The following TIMELESS variants were observed in gnomAD, a reference collection of about 807,000 sequenced individuals.
TIMELESS encodes the protein timeless circadian regulator, also known as protein timeless homolog.
Under a neutral mutation model 164.3 loss-of-function variants are expected in TIMELESS, and 124 were observed. The observed-to-expected ratio is 0.75, with a 90% CI of 0.65 to 0.88. The LOEUF (loss-of-function observed/expected upper bound fraction) is 0.88. TIMELESS is among the 40% of genes least tolerant of loss of function. The probability of loss-of-function intolerance (pLI) is 0.00; values close to 1 mark genes in which losing one functional copy is unlikely to be tolerated. For synonymous variants in TIMELESS, 564 were observed against 563.4 expected, an observed-to-expected ratio of 1.00 and a Z score of -0.02; for missense variants, 1,422 against 1,491.4, an observed-to-expected ratio of 0.95 and a Z score of 0.77.
At chr12:56,442,715 T>C (rs939262465) in intron 1 of TIMELESS, among the ~76,000 whole-genome samples, 2 of 152,122 alleles carry the variant, frequency 1.3e-5, no homozygotes, top group African/African-American at 4.8e-5. Flanking sequence ...CGACCCTCTA[T>C]AGTGATATAA....
rs749417821 is a variant in TIMELESS, at chr12:56,430,119, T to C, written c.1072A>G (p.Met358Val). The C allele has an allele frequency of 7.9e-5, 127 of 1,612,534 alleles. 1 individual carries two copies. Among genetic ancestry groups the C allele is most frequent in the Non-Finnish European group, 1.1e-4 (127 of 1,179,628 alleles). The part of the protein sequence containing the change: ...EFLENCYNRL[M>V]GSVKDHLLRE... ...CAGGTTCTCACCTTTACTGATCCCA[T>C]GAGCCGGTTGTAACAGTTCTCCAGG... The change falls in exon 10 of 29, where the codon ATG (methionine) becomes GTG (valine). Residue 358 changes from methionine to valine, a missense_variant. Physicochemically the swap from Met to Val is conservative, Grantham distance 21. Transcript: ENST00000553532.
intron 1 of TIMELESS, among the ~76,000 whole-genome samples, chr12:56,439,702 T>C (rs1210218566): frequency 1.3e-5 from 2 of 152,140 alleles, no homozygotes; most frequent in East Asian, 1.9e-4. Context: ...CTAGCCTGAA[T>C]TGTACACTTT....
chr12:56,420,523 A>T (rs1413820891), intron 26 of TIMELESS, 46 bp downstream of exon 26: 8 of 1,512,506 alleles, frequency 5.3e-6, no homozygotes, highest in Non-Finnish European at 7.3e-6. Flanking sequence ...TGTATTTGGA[A>T]ATAGGACTAA....
At chr12:56,420,030 A>AAAAAAAAT (rs1881408025) in intron 26 of TIMELESS, among the ~76,000 whole-genome samples, 1 of 68,308 alleles carries the variant, frequency 1.5e-5, no homozygotes. Context: ...AAAAAAAAAA[A>AAAAAAAAT]TATATATATA....
chr12:56,440,535 A>C (rs887911172), intron 1 of TIMELESS, among the ~76,000 whole-genome samples: 1 of 152,202 alleles, frequency 6.6e-6, no homozygotes, highest in Admixed American at 6.5e-5. Context: ...TATGAACAAA[A>C]TGGCATCTAG....
rs748894425 is a variant in TIMELESS at position 56,433,494 on chromosome 12, A to G, written c.366+44T>C. 24 of 1,613,680 alleles carry G rather than the reference A, an allele frequency of 1.5e-5. No individual in the cohort carries two copies. In the Admixed American group the frequency reaches 3.8e-4, roughly 26 times the overall value. Reference sequence around the variant, plus strand: ...AGTAGCAGTCATCCACTTCTTCACCACTGCCCCATATTCCACCCCAGGGAC... The same window carrying G: ...AGTAGCAGTCATCCACTTCTTCACCGCTGCCCCATATTCCACCCCAGGGAC... On this transcript the variant is annotated intron_variant, in intron 4 of 28. Coordinates refer to ENST00000553532, the MANE Select transcript of TIMELESS (RefSeq NM_003920.5).
chr12:56,434,960 T>G (rs1254749342), intron 1 of TIMELESS, among the ~76,000 whole-genome samples: 1 of 152,152 alleles, frequency 6.6e-6, no homozygotes, highest in Non-Finnish European at 1.5e-5. Flanking sequence ...GAGGACTACT[T>G]GCGCCTAGGT....
chr12:56,433,060 A>C lies in TIMELESS; in HGVS notation c.497T>G (p.Ile166Ser), dbSNP rs565192271. 6.2e-7 allele frequency: 1 copy of C among 1,614,058 alleles called. No individual in the cohort carries two copies. Among genetic ancestry groups the C allele is most frequent in the South Asian group, 1.1e-5 (1 of 91,080 alleles). ...ATCAAGGTCAGCTGGGACATGGAGA[A>C]TATTTCTGACCAGCAGTAGGATCCG... ...IERILLLVRN[I>S]LHVPADLDQE... is the part of the protein sequence containing the mutation. Residue 166 changes from isoleucine to serine, a missense_variant, in exon 6 of 29, where the codon ATT (isoleucine) becomes AGT (serine). Transcript: ENST00000553532.
chr12:56,442,524 C>T (rs902406670), intron 1 of TIMELESS, among the ~76,000 whole-genome samples: 2 of 152,226 alleles, frequency 1.3e-5, no homozygotes, highest in Non-Finnish European at 2.9e-5. Flanking sequence ...CAGGGTCACA[C>T]ATATCCTACT....
chr12:56,426,582 C>T (rs754128742), intron 13 of TIMELESS, among the ~76,000 whole-genome samples: 22 of 146,050 alleles, frequency 1.5e-4, no homozygotes, highest in Admixed American at 4.8e-4. Context: ...TTTTTTGAGA[C>T]GGAGTCTTGC....
At chr12:56,418,986 T>C (rs1363872080) in intron 26 of TIMELESS, among the ~76,000 whole-genome samples, 1 of 150,980 alleles carries the variant, frequency 6.6e-6, no homozygotes, top group Non-Finnish European at 1.5e-5. Flanking sequence ...AAATGTACTG[T>C]AGTATCACAG....
At chr12:56,445,657 G>C (rs545444850) in intron 1 of TIMELESS, among the ~76,000 whole-genome samples, 1 of 151,684 alleles carries the variant, frequency 6.6e-6, no homozygotes, top group African/African-American at 2.4e-5. Context: ...AGAATCGCTT[G>C]AGGCGGAGGT....
At chr12:56,448,360 C>A (rs974605213) in intron 1 of TIMELESS, among the ~76,000 whole-genome samples, 12 of 138,216 alleles carry the variant, frequency 8.7e-5, no homozygotes, top group African/African-American at 3.0e-4. Flanking sequence ...GAGCCGAGAT[C>A]GGACCACTGC....
chr12:56,424,804 G>A lies in TIMELESS; in HGVS notation c.1826C>T (p.Ala609Val), dbSNP rs1242770303. ...AMVRIQDCLL[A>V]GQAPQALTLL... is the part of the protein sequence containing the mutation. The stretch of plus-strand genomic sequence containing the variant: ...AGTCAGGGCCTGTGGGGCCTGGCCA[G>A]CCAGGAGACAGTCTTGGATCCGTAC... Residue 609 changes from alanine (A) to valine (V), a missense_variant, in exon 15 of 29, where the codon GCT becomes GTT. Transcript: ENST00000553532. The A allele has an allele frequency of 8.1e-6, 13 of 1,614,098 alleles. No homozygotes were observed.
intron 6 of TIMELESS, 83 bp from the exon 7 acceptor site, chr12:56,432,607 C>A: frequency 1.3e-6 from 2 of 1,541,288 alleles, no homozygotes; most frequent in Non-Finnish European, 1.8e-6. Flanking sequence ...CATTCTTTGA[C>A]CAAGCCTCCT....
chr12:56,429,455 C>A (rs1881794317), intron 10 of TIMELESS, among the ~76,000 whole-genome samples: 1 of 151,184 alleles, frequency 6.6e-6, no homozygotes, highest in Non-Finnish European at 1.5e-5. Flanking sequence ...GCCTTGGACT[C>A]CCAAAGTGCT....
Position 56,449,422 on chromosome 12 carries a change from G to A in TIMELESS, c.-174C>T, listed in dbSNP as rs998838983. 1.3e-5 allele frequency: 2 copies of A among 152,296 alleles called. No homozygotes were observed. Among genetic ancestry groups the A allele is most frequent in the African/African-American group, 4.8e-5 (2 of 41,474 alleles). 9.4% of individuals were successfully genotyped at this position (152,296 alleles called of 1,614,324 possible). On this transcript the variant is annotated 5_prime_UTR_variant, in exon 1 of 29. Transcript: ENST00000553532. Reference sequence around the variant, plus strand: ...ACCGGTCCCCGCCTGCGCGAAGAGCGAGGCGGGGCGAGCCGGGCTGGTCCA... The same window carrying A: ...ACCGGTCCCCGCCTGCGCGAAGAGCAAGGCGGGGCGAGCCGGGCTGGTCCA...
chr12:56,421,542 G>T, intron 22 of TIMELESS, 49 bp from the exon 23 acceptor site: 1 of 1,581,974 alleles, frequency 6.3e-7, no homozygotes, highest in Non-Finnish European at 8.6e-7. Context: ...GGAAAGAGAT[G>T]AGTAAAATAA....
At position 56,425,994 on chromosome 12, in the gene TIMELESS, A is replaced by T. The variant is rs569282103; in HGVS notation, c.1579-842T>A. Among the ~76,000 whole-genome samples, 16 of 152,308 alleles carry T rather than the reference A, an allele frequency of 1.1e-4. No homozygotes were observed. The East Asian group carries it at 2.7e-3, about 26-fold the overall frequency. ...CCAGTCTTTGGTGTGGGTACTGAAA[A>T]GTCAAACAGGATGAACTGAGAGGCC... On this transcript the variant is annotated intron_variant, in intron 13 of 28. Coordinates refer to ENST00000553532, the MANE Select transcript of TIMELESS (RefSeq NM_003920.5).
Sources: gnomAD v4.1 joint callset for allele counts (sites outside exome capture counted in the v4.1 genomes callset) on GRCh38, gnomAD v4.1.1 for gene constraint, MANE v1.5 for transcripts, NCBI Gene and HGNC (gene_info 2026-07-23, HGNC 2026-07-21) for gene names.